The following ABCA7 variants were observed in gnomAD, a reference collection of about 807,000 sequenced individuals.
ABCA7 encodes phospholipid-transporting ATPase ABCA7.
Under a neutral mutation model 227.6 loss-of-function variants are expected in ABCA7, and 261 were observed. The observed-to-expected ratio is 1.15, with a 90% CI of 1.04 to 1.27. The LOEUF (loss-of-function observed/expected upper bound fraction) is 1.27. ABCA7 is among the 50% of genes most tolerant of loss of function. The probability of loss-of-function intolerance (pLI) is 0.00; values close to 1 mark genes in which losing one functional copy is unlikely to be tolerated. For missense variants in ABCA7, 3,331 were observed against 2,924.5 expected, an observed-to-expected ratio of 1.14 and a Z score of -3.21; for synonymous variants, 1,488 against 1,279.7, an observed-to-expected ratio of 1.16 and a Z score of -3.47.
intron 10 of ABCA7, among the ~76,000 whole-genome samples, chr19:1,044,186 C>T (rs1182374783): frequency 6.6e-6 from 1 of 150,718 alleles, no homozygotes; most frequent in African/African-American, 2.4e-5. Flanking sequence ...GTGATCCACC[C>T]GCCTCGGCCT....
At position 1,055,352 on chromosome 19, in the gene ABCA7, G is replaced by T. The variant is rs770117947; in HGVS notation, c.4205+1G>T. ...CCTACCCGCGCCTGGTGCGCCAGGG[G>T]TGAGCCATGCCCTGGGACTCAGTTT... On this transcript the variant is annotated splice_donor_variant, in intron 30 of 46. Transcript: ENST00000263094. LOFTEE classifies it high-confidence loss of function. 1.3e-5 allele frequency: 21 copies of T among 1,575,706 alleles called. No individual in the cohort carries two copies. The South Asian group carries it at 2.3e-4, about 17-fold the overall frequency.
intron 13 of ABCA7, among the ~76,000 whole-genome samples, 176 bp downstream of exon 13, chr19:1,046,582 G>GT (rs2040698007): frequency 9.8e-6 from 1 of 102,260 alleles, no homozygotes; most frequent in African/African-American, 3.1e-5. Flanking sequence ...GGGTCTGGTG[G>GT]GGGGGGGGAC....
chr19:1,053,611 G>A (rs543996325), intron 24 of ABCA7, 80 bp downstream of exon 24: 72 of 1,522,992 alleles, frequency 4.7e-5, no homozygotes, highest in African/African-American at 1.4e-4. Flanking sequence ...GATGAATAGC[G>A]TGTTTATGAG....
In ABCA7 at chr19:1,041,509, G is replaced by T; in HGVS notation, c.67-1G>T. ...ACCGTCTCCCACCTATTCTCCCCCA[G>T]GTCCAGCTCCTGGTCGAATTGCTGT... On this transcript the variant is annotated splice_acceptor_variant, in intron 2 of 46. Coordinates refer to ENST00000263094, the MANE Select transcript of ABCA7 (RefSeq NM_019112.4). LOFTEE classifies it high-confidence loss of function. 1 of 1,613,742 alleles carries T rather than the reference G, an allele frequency of 6.2e-7. No homozygotes were observed. Among genetic ancestry groups the T allele is most frequent in the Non-Finnish European group, 8.5e-7 (1 of 1,180,022 alleles).
chr19:1,055,173 C>T lies in ABCA7; in HGVS notation c.4027C>T (p.Pro1343Ser). The change falls in exon 30 of 47, where the codon CCA becomes TCA. Residue 1343 changes from proline (P) to serine (S), a missense_variant. By Grantham distance (74) the Pro-to-Ser change is moderately conservative (BLOSUM62 -1). Coordinates refer to ENST00000263094, the MANE Select transcript of ABCA7 (RefSeq NM_019112.4). Reference sequence around the variant, plus strand: ...CAACTGGACCCCAGAGTCTCCATCCCCAGCCTGCCAGTGTAGCCGGCCCGG... The same window carrying T: ...CAACTGGACCCCAGAGTCTCCATCCTCAGCCTGCCAGTGTAGCCGGCCCGG... ...SGNWTPESPSPACQCSRPGAR... is the reference protein window; with the variant it reads ...SGNWTPESPSSACQCSRPGAR... 4 of 1,612,394 alleles carry T rather than the reference C, an allele frequency of 2.5e-6. No individual in the cohort carries two copies. The highest frequency in any genetic ancestry group is 3.4e-6 in the Non-Finnish European group (4 of 1,179,790).
At chr19:1,060,493 G>C (rs2042586534) in intron 40 of ABCA7, among the ~76,000 whole-genome samples, 1 of 150,790 alleles carries the variant, frequency 6.6e-6, no homozygotes, top group African/African-American at 2.4e-5. Context: ...TCACATGTGT[G>C]AGCCACCATG....
rs1004159897 is a variant in ABCA7 at position 1,058,220 on chromosome 19, C to T, written c.5100C>T (p.Leu1700=). The T allele has an allele frequency of 2.5e-6, 4 of 1,613,474 alleles. No individual in the cohort carries two copies. Among genetic ancestry groups the T allele is most frequent in the Admixed American group, 3.3e-5 (2 of 59,926 alleles). ...CCCACTTCTGCTTGGGCCGGGGGCT[C>T]ATTGACATGGTGCGGAACCAGGCCA... ...IFPHFCLGRG[L]IDMVRNQAMA... is the part of the protein sequence containing the mutation. Residue 1700 remains leucine, a synonymous_variant, in exon 37 of 47, where the codon CTC becomes CTT. Coordinates refer to ENST00000263094, the MANE Select transcript of ABCA7 (RefSeq NM_019112.4).
In ABCA7 at chr19:1,057,205, C is replaced by A. The variant is rs898393187; in HGVS notation, c.4765-109C>A. 3.2e-6 allele frequency: 5 copies of A among 1,551,478 alleles called. No homozygotes were observed. In the Admixed American group the frequency reaches 5.1e-5, roughly 16 times the overall value. On this transcript the variant is annotated intron_variant, in intron 34 of 46. Coordinates refer to ENST00000263094, the MANE Select transcript of ABCA7 (RefSeq NM_019112.4). ...GTAAAGTCTTGAGGATTGTGGGAGA[C>A]TTTGTGCCTTCCTACTCAAAAAGCA...
intron 16 of ABCA7, 29 bp downstream of exon 16, chr19:1,047,683 C>G: frequency 6.5e-7 from 1 of 1,547,894 alleles, no homozygotes; most frequent in Non-Finnish European, 8.7e-7. Context: ...GGCTCCGGGC[C>G]GGGTCGCACC....
rs1165205681 is a variant in ABCA7, at chr19:1,046,909, T to C, written c.1730T>C (p.Leu577Pro). ...GTGGTGCGGGAGAAGGAGACGCGGC[T>C]GCGGGACACCATGCGCGCCATGGGG... ...KAVVREKETR[L>P]RDTMRAMGLS... The change falls in exon 14 of 47, where the codon CTG (leucine) becomes CCG (proline). Residue 577 changes from leucine to proline, a missense_variant. Leu to Pro is a moderately conservative substitution (Grantham distance 98). Transcript: ENST00000263094. 6.4e-7 allele frequency: 1 copy of C among 1,550,994 alleles called. No homozygotes were observed. The highest frequency in any genetic ancestry group is 8.6e-7 in the Non-Finnish European group (1 of 1,156,992).
chr19:1,063,510 G>A (rs749084929), intron 42 of ABCA7, 34 bp from the exon 43 acceptor site: 2 of 1,605,008 alleles, frequency 1.2e-6, no homozygotes, highest in Non-Finnish European at 1.7e-6. Context: ...TCATCAATAT[G>A]AGTCCCCATG....
Position 1,053,986 on chromosome 19 carries a change from G to A in ABCA7, c.3473-20G>A, listed in dbSNP as rs536871462. On this transcript the variant is annotated intron_variant, in intron 25 of 46. Transcript: ENST00000263094. ...ATCCGTGACCCTCAACTTTGACCCTGACCCCTGATGGCCCTGCAGATGGCA... is the reference window on the plus strand; with the variant it reads ...ATCCGTGACCCTCAACTTTGACCCTAACCCCTGATGGCCCTGCAGATGGCA... 4.3e-6 allele frequency: 7 copies of A among 1,612,818 alleles called. No individual in the cohort carries two copies. The African/African-American group carries it at 5.3e-5, about 12-fold the overall frequency.
chr19:1,056,813 C>T lies in ABCA7; in HGVS notation c.4587-94C>T. 3 of 1,390,502 alleles carry T rather than the reference C, an allele frequency of 2.2e-6. No individual in the cohort carries two copies. Among genetic ancestry groups the T allele is most frequent in the Non-Finnish European group, 3.0e-6 (3 of 1,005,880 alleles). 86.1% of individuals were successfully genotyped at this position (1,390,502 alleles called of 1,614,324 possible). A position where few individuals can be genotyped will look rare whatever the true frequency, so the allele number is the denominator to read the frequency against. On this transcript the variant is annotated intron_variant, in intron 33 of 46. Transcript: ENST00000263094. This position sits in a 1 kb window ranked among gnomAD's most constrained non-coding sequence, Gnocchi z 4.3. Reference sequence around the variant, plus strand: ...CCATCTCTGCCACTGCTGACTGCCCCATAGACCTTTGTCCCATCAATGGCG... The same window carrying T: ...CCATCTCTGCCACTGCTGACTGCCCTATAGACCTTTGTCCCATCAATGGCG...
Position 1,041,929 on chromosome 19 carries a change from C to A in ABCA7, c.259C>A (p.Pro87Thr). Residue 87 changes from proline (P) to threonine (T), a missense_variant, in exon 4 of 47, where the codon CCG becomes ACG. By Grantham distance (38) the Pro-to-Thr change is conservative. Coordinates refer to ENST00000263094, the MANE Select transcript of ABCA7 (RefSeq NM_019112.4). ...CAACACCTGCTTTCCGCAGCTGACA[C>A]CGGGCGAGGAGCCCGGGCGCCTGAG... ...VNNTCFPQLT[P>T]GEEPGRLSNF... is the part of the protein sequence containing the mutation. The A allele has an allele frequency of 6.3e-7, 1 of 1,597,948 alleles. No homozygotes were observed. The highest frequency in any genetic ancestry group is 8.5e-7 in the Non-Finnish European group (1 of 1,177,068).
In ABCA7 at chr19:1,047,201, G is replaced by C. The variant is rs1286923587; in HGVS notation, c.1890G>C (p.Leu630=). ...ACAGCCACCCGGGCGTGGTCTTCCT[G>C]TTCTTGGCAGCCTTCGCGGTGGCCA... is the stretch of plus-strand genomic sequence containing the variant. ...LPYSHPGVVF[L]FLAAFAVATV... is the part of the protein sequence containing the mutation. The change falls in exon 15 of 47, where the codon CTG becomes CTC. Residue 630 remains leucine, a synonymous_variant. Transcript: ENST00000263094. 1.9e-6 allele frequency: 3 copies of C among 1,609,404 alleles called. No homozygotes were observed. Among genetic ancestry groups the C allele is most frequent in the Non-Finnish European group, 2.5e-6 (3 of 1,179,558 alleles).
chr19:1,040,949 G>A (rs1280038870), intron 1 of ABCA7, among the ~76,000 whole-genome samples: 2 of 151,504 alleles, frequency 1.3e-5, no homozygotes, highest in South Asian at 4.1e-4. Context: ...TGCCTGGGCT[G>A]GGCCAGGCAG....
intron 25 of ABCA7, 27 bp from the exon 26 acceptor site, chr19:1,053,979 T>A (rs1209754289): frequency 6.2e-7 from 1 of 1,612,394 alleles, no homozygotes; most frequent in Non-Finnish European, 8.5e-7. Flanking sequence ...CCCTCAACTT[T>A]GACCCTGACC....
At chr19:1,040,742 G>A (rs2039947723) in intron 1 of ABCA7, among the ~76,000 whole-genome samples, 1 of 152,134 alleles carries the variant, frequency 6.6e-6, no homozygotes, top group Non-Finnish European at 1.5e-5. Context: ...CATAAGGTGT[G>A]GGCAGAGCTG....
chr19:1,051,970 C>T lies in ABCA7; in HGVS notation c.2991C>T (p.His997=). The change falls in exon 22 of 47, where the codon CAC becomes CAT. Residue 997 remains histidine (H), a synonymous_variant. Coordinates refer to ENST00000263094, the MANE Select transcript of ABCA7 (RefSeq NM_019112.4). ...EGRTLILSTH[H]LDEAELLGDR... Reference sequence around the variant, plus strand: ...GCACGCTGATCCTCTCCACCCACCACCTGGATGAGGCAGAGCTGCTGGGAG... The same window carrying T: ...GCACGCTGATCCTCTCCACCCACCATCTGGATGAGGCAGAGCTGCTGGGAG... 2 of 1,612,088 alleles carry T rather than the reference C, an allele frequency of 1.2e-6. No homozygotes were observed. Among genetic ancestry groups the T allele is most frequent in the Non-Finnish European group, 1.7e-6 (2 of 1,179,880 alleles).
Sources: allele counts gnomAD v4.1 joint callset (sites outside exome capture counted in the v4.1 genomes callset), GRCh38; gene constraint gnomAD v4.1.1; non-coding constraint Gnocchi (gnomAD v3.1); transcripts MANE v1.5; gene names NCBI Gene and HGNC (gene_info 2026-07-23, HGNC 2026-07-21).